CNTN4: variants seen among roughly 807,000 people sequenced by gnomAD.
The protein encoded by CNTN4 is contactin-4.
CNTN4 carries 77 observed loss-of-function variants against 122.5 expected under a neutral mutation model. The observed-to-expected ratio is 0.63, with a 90% confidence interval of 0.52 to 0.76. The LOEUF (loss-of-function observed/expected upper bound fraction) is 0.76. CNTN4 is among the 30% of genes least tolerant of loss of function. The pLI is 0.00. For synonymous variants in CNTN4, 512 were observed against 447.0 expected (o/e 1.15, Z -1.83); for missense variants, 1,256 against 1,259.1 (o/e 1.00, Z 0.04).
At chr3:2,478,329 T>C (rs1003969428) in intron 3 of CNTN4, among the ~76,000 whole-genome samples, 1 of 152,100 alleles carries the variant, frequency 6.6e-6, no homozygotes, top group Non-Finnish European at 1.5e-5. Flanking sequence ...ACCATAGAAA[T>C]GCTCTTTAAT....
intron 13 of CNTN4, among the ~76,000 whole-genome samples, chr3:2,955,097 C>T (rs977026101): frequency 1.1e-4 from 16 of 152,012 alleles, no homozygotes; most frequent in African/African-American, 3.6e-4. Flanking sequence ...GCAAGTCTGC[C>T]ATGAAAAGTC....
At chr3:2,435,051 CAG>C (rs1200096068) in intron 3 of CNTN4, among the ~76,000 whole-genome samples, 1 of 152,086 alleles carries the variant, frequency 6.6e-6, no homozygotes, top group African/African-American at 2.4e-5. Flanking sequence ...ATATGTGAAG[CAG>C]AGAGTTGAGC....
At chr3:2,379,781 G>A (rs1575502197) in intron 3 of CNTN4, among the ~76,000 whole-genome samples, 1 of 152,134 alleles carries the variant, frequency 6.6e-6, no homozygotes, top group South Asian at 2.1e-4. Context: ...ATGGCCGGGC[G>A]CGGTGGCTCA....
chr3:2,800,702 C>G (rs946638593), intron 6 of CNTN4, among the ~76,000 whole-genome samples: 1 of 152,198 alleles, frequency 6.6e-6, no homozygotes, highest in Non-Finnish European at 1.5e-5. Context: ...AACTAAAGAT[C>G]TTATAGAGGT....
Position 2,385,334 on chromosome 3 carries a change from T to C in CNTN4, c.-89+46101T>C, listed in dbSNP as rs2046208998. On this transcript the variant is annotated intron_variant, in intron 3 of 24. Coordinates refer to ENST00000418658, the MANE Select transcript of CNTN4 (RefSeq NM_175607.3). This position sits in a 1 kb window ranked among gnomAD's most constrained non-coding sequence, Gnocchi z 4.0. ...AACAATACCTGTTTATAGTTTTGTT[T>C]ATATTACTCTTGTTGCACTGAATAA... is the stretch of plus-strand genomic sequence containing the variant. Among the ~76,000 whole-genome samples, 1 of 152,136 alleles carries C rather than the reference T, an allele frequency of 6.6e-6. No homozygotes were observed. The highest frequency in any genetic ancestry group is 2.1e-4 in the South Asian group (1 of 4,824).
At chr3:2,583,681 ATATT>A (rs1304690728) in intron 4 of CNTN4, among the ~76,000 whole-genome samples, 1 of 152,228 alleles carries the variant, frequency 6.6e-6, no homozygotes, top group Non-Finnish European at 1.5e-5. Flanking sequence ...TCCTCAGAAA[ATATT>A]TACGCATTCT....
At chr3:2,392,378 T>C (rs1244537665) in intron 3 of CNTN4, among the ~76,000 whole-genome samples, 1 of 152,182 alleles carries the variant, frequency 6.6e-6, no homozygotes, top group Non-Finnish European at 1.5e-5. Context: ...TTCATATCCA[T>C]CAAATTCTGG....
At chr3:2,964,994 C>A (rs1211491661) in intron 13 of CNTN4, among the ~76,000 whole-genome samples, 1 of 152,142 alleles carries the variant, frequency 6.6e-6, no homozygotes, top group Non-Finnish European at 1.5e-5. Context: ...AAAGATCTTA[C>A]CAGGTTTTCT....
intron 2 of CNTN4, among the ~76,000 whole-genome samples, chr3:2,154,733 C>T (rs778262765): frequency 6.6e-6 from 1 of 152,160 alleles, no homozygotes; most frequent in Non-Finnish European, 1.5e-5. Context: ...ATCTGTTTTG[C>T]TCTTATTCCA....
intron 13 of CNTN4, among the ~76,000 whole-genome samples, chr3:2,943,632 T>TATATA (rs59719192): frequency 1.6e-4 from 15 of 96,186 alleles, no homozygotes; most frequent in African/African-American, 6.6e-4. Flanking sequence ...ATATATATAT[T>TATATA]TTTTTTTTTT....
In CNTN4 at chr3:2,246,479, A is replaced by T. The variant is rs377733926; in HGVS notation, c.-144-92699A>T. Among the ~76,000 whole-genome samples, 10 of 152,004 alleles carry T rather than the reference A, an allele frequency of 6.6e-5. No individual in the cohort carries two copies. The East Asian group carries it at 1.9e-3, about 29-fold the overall frequency. ...TTTGCCTTAAGTAACTTCCATAGATAGTTACTTTCATGCTGGCCCATAGCT... is the reference window on the plus strand; with the variant it reads ...TTTGCCTTAAGTAACTTCCATAGATTGTTACTTTCATGCTGGCCCATAGCT... On this transcript the variant is annotated intron_variant, in intron 2 of 24. Transcript: ENST00000418658.
At chr3:2,158,701 A>G (rs1033006935) in intron 2 of CNTN4, among the ~76,000 whole-genome samples, 1 of 152,230 alleles carries the variant, frequency 6.6e-6, no homozygotes, top group Admixed American at 6.5e-5. Flanking sequence ...CCTGCATAGA[A>G]AAAGTCCAGA....
chr3:2,909,442 A>G (rs1350098461), intron 12 of CNTN4, among the ~76,000 whole-genome samples: 1 of 150,508 alleles, frequency 6.6e-6, no homozygotes, highest in East Asian at 1.9e-4. Flanking sequence ...TTTTTCTCTT[A>G]GTATCCATAC....
intron 13 of CNTN4, among the ~76,000 whole-genome samples, chr3:2,929,072 A>T (rs1455292536): frequency 6.6e-6 from 1 of 152,248 alleles, no homozygotes; most frequent in Non-Finnish European, 1.5e-5. Context: ...AAGTAATTTC[A>T]TAGCATTCTT....
At chr3:2,163,280 A>G (rs373566770) in intron 2 of CNTN4, among the ~76,000 whole-genome samples, 17 of 152,320 alleles carry the variant, frequency 1.1e-4, no homozygotes, top group African/African-American at 3.8e-4. Flanking sequence ...TAAATGGTGC[A>G]GGGAAAACTG....
At chr3:2,813,666 A>T (rs2092665306) in intron 6 of CNTN4, among the ~76,000 whole-genome samples, 1 of 152,168 alleles carries the variant, frequency 6.6e-6, no homozygotes, top group African/African-American at 2.4e-5. Context: ...TTATGACCTA[A>T]ATAAATTACT....
At chr3:2,854,511 G>T (rs577854665) in intron 7 of CNTN4, among the ~76,000 whole-genome samples, 2 of 152,060 alleles carry the variant, frequency 1.3e-5, no homozygotes, top group African/African-American at 4.8e-5. Context: ...GACCTCAAGT[G>T]ATCCGCCTGC....
At chr3:2,995,487 C>T (rs899828585) in intron 14 of CNTN4, among the ~76,000 whole-genome samples, 3 of 152,294 alleles carry the variant, frequency 2.0e-5, no homozygotes, top group Admixed American at 2.0e-4. Context: ...CATCACTTCT[C>T]CATCCTTGGT....
At chr3:2,730,001 T>C (rs1344391691) in intron 4 of CNTN4, among the ~76,000 whole-genome samples, 1 of 152,154 alleles carries the variant, frequency 6.6e-6, no homozygotes, top group Admixed American at 6.5e-5. Flanking sequence ...ATAATTAGAA[T>C]CCAGTAGGTC....
Sources: gnomAD v4.1 joint callset for allele counts (sites outside exome capture counted in the v4.1 genomes callset) on GRCh38, gnomAD v4.1.1 for gene constraint, Gnocchi (gnomAD v3.1) non-coding constraint, MANE v1.5 for transcripts, NCBI Gene and HGNC (gene_info 2026-07-23, HGNC 2026-07-21) for gene names.